Variants in ADK observed in about 807,000 individuals in gnomAD.
ADK encodes the protein N6,N6-dimethyladenosine kinase.
ADK carries 24 observed loss-of-function variants against 44.7 expected under a neutral mutation model. That is an observed-to-expected ratio of 0.54 (90% confidence interval 0.39 to 0.76). ADK has a LOEUF of 0.76. ADK is among the 30% of genes least tolerant of loss of function. ADK has a pLI of 0.00. For synonymous variants in ADK, 128 were observed against 142.6 expected, an observed-to-expected ratio of 0.90 and a Z score of 0.73; for missense variants, 321 against 425.1, an observed-to-expected ratio of 0.76 and a Z score of 2.15.
chr10:74,413,895 C>T (rs935777719), intron 6 of ADK, among the ~76,000 whole-genome samples: 26 of 152,236 alleles, frequency 1.7e-4, no homozygotes, highest in African/African-American at 6.3e-4. Context: ...TATTAATTGG[C>T]CTAATGTCAC....
At chr10:74,414,620 C>T (rs1280481791) in intron 6 of ADK, among the ~76,000 whole-genome samples, 1 of 151,998 alleles carries the variant, frequency 6.6e-6, no homozygotes, top group Non-Finnish European at 1.5e-5. Flanking sequence ...CCTGTAATCC[C>T]AGCACTTGAG....
intron 9 of ADK, chr10:74,661,248 G>A (rs1181425820): frequency 2.2e-5 from 20 of 892,582 alleles, no homozygotes; most frequent in Non-Finnish European, 2.7e-5. Flanking sequence ...GTGTAACAAT[G>A]AATCAAAATC....
chr10:74,492,484 A>C (rs959898842), intron 6 of ADK, among the ~76,000 whole-genome samples: 1 of 152,202 alleles, frequency 6.6e-6, no homozygotes, highest in African/African-American at 2.4e-5. Flanking sequence ...AAACAGAATA[A>C]GCTCATGGAC....
chr10:74,277,411 T>G (rs1302527859), intron 3 of ADK, among the ~76,000 whole-genome samples: 5 of 2,412 alleles, frequency 2.1e-3, no homozygotes, highest in Non-Finnish European at 7.9e-4. Context: ...GTTTTGTTTT[T>G]TTGAGATGGA....
intron 9 of ADK, among the ~76,000 whole-genome samples, chr10:74,617,708 A>G (rs1304357223): frequency 6.6e-6 from 1 of 151,694 alleles, no homozygotes; most frequent in African/African-American, 2.4e-5. Flanking sequence ...CAGTCCTCCC[A>G]CTTCAGCCTC....
chr10:74,526,857 G>C (rs1416367525), intron 7 of ADK, among the ~76,000 whole-genome samples: 1 of 152,116 alleles, frequency 6.6e-6, no homozygotes, highest in Admixed American at 6.5e-5. Context: ...GTTTTATTTT[G>C]TAAAGGGTAA....
At chr10:74,164,861 CGT>C (rs1018716987) in intron 1 of ADK, among the ~76,000 whole-genome samples, 16 of 152,154 alleles carry the variant, frequency 1.1e-4, no homozygotes, top group Admixed American at 9.2e-4. Context: ...CCTGAGAAGA[CGT>C]GTTAGTTTCT....
chr10:74,330,111 TGAGC>T (rs1841167929), intron 4 of ADK, among the ~76,000 whole-genome samples: 1 of 152,178 alleles, frequency 6.6e-6, no homozygotes. Flanking sequence ...GAAGCTGTAG[TGAGC>T]CATGATTCTG....
rs891681703 is a variant in ADK at position 74,709,117 on chromosome 10, G to A, written c.*672G>A. On this transcript the variant is annotated 3_prime_UTR_variant, in exon 11 of 11. Coordinates refer to ENST00000539909, the MANE Select transcript of ADK (RefSeq NM_006721.4). The stretch of plus-strand genomic sequence containing the variant: ...ACACAAACAAAAACTTGTCATATAG[G>A]AATTTTTTTCTGTCTTTTCCCTGTG... The A allele has an allele frequency of 1.3e-5, 2 of 152,246 alleles. No individual in the cohort carries two copies. The highest frequency in any genetic ancestry group is 4.8e-5 in the African/African-American group (2 of 41,438). The allele number at this position is 152,246 out of a possible 1,614,324, so 9.4% of individuals were successfully genotyped here. A position where few individuals can be genotyped will look rare whatever the true frequency, so the allele number is the denominator to read the frequency against.
At chr10:74,488,580 C>A (rs563762266) in intron 6 of ADK, among the ~76,000 whole-genome samples, 3 of 150,138 alleles carry the variant, frequency 2.0e-5, no homozygotes, top group Non-Finnish European at 4.4e-5. Context: ...CTTTTTATAG[C>A]TTTTGTGAGT....
At chr10:74,519,990 C>T (rs939372094) in intron 6 of ADK, among the ~76,000 whole-genome samples, 1 of 151,820 alleles carries the variant, frequency 6.6e-6, no homozygotes, top group African/African-American at 2.4e-5. Context: ...TTGATATTTA[C>T]TTCTCTTTTA....
At chr10:74,457,046 G>GT (rs1332131157) in intron 6 of ADK, among the ~76,000 whole-genome samples, 3 of 152,072 alleles carry the variant, frequency 2.0e-5, no homozygotes, top group Non-Finnish European at 4.4e-5. Context: ...CCAGGAGCTG[G>GT]TTTTTTGAAA....
intron 7 of ADK, among the ~76,000 whole-genome samples, chr10:74,540,155 T>TA (rs1175271811): frequency 2.6e-5 from 4 of 151,906 alleles, no homozygotes; most frequent in East Asian, 1.9e-4. Flanking sequence ...TTTTAAAAAT[T>TA]AAAAAAAATT....
chr10:74,328,931 C>T (rs945535167), intron 4 of ADK, among the ~76,000 whole-genome samples: 2 of 151,752 alleles, frequency 1.3e-5, no homozygotes, highest in Admixed American at 6.6e-5. Context: ...CCAGGGTAGT[C>T]GTCTTGCCAC....
chr10:74,681,806 C>G (rs185324416), intron 10 of ADK, among the ~76,000 whole-genome samples: 1 of 148,102 alleles, frequency 6.8e-6, no homozygotes, highest in Non-Finnish European at 1.5e-5. Context: ...CCCAAGATCA[C>G]GCCACTGCAC....
At chr10:74,632,042 T>C (rs1358752123) in intron 9 of ADK, among the ~76,000 whole-genome samples, 1 of 152,144 alleles carries the variant, frequency 6.6e-6, no homozygotes, top group Non-Finnish European at 1.5e-5. Context: ...TATTCATAGG[T>C]TGTGCAACCG....
intron 3 of ADK, among the ~76,000 whole-genome samples, chr10:74,235,191 T>A (rs1844914541): frequency 7.1e-6 from 1 of 140,920 alleles, no homozygotes; most frequent in East Asian, 2.0e-4. Context: ...TCATAAGGGA[T>A]TTTTTTTTTT....
At chr10:74,160,645 G>A (rs1055561998) in intron 1 of ADK, among the ~76,000 whole-genome samples, 3 of 151,926 alleles carry the variant, frequency 2.0e-5, no homozygotes, top group Non-Finnish European at 4.4e-5. Context: ...CCCGTCTGTT[G>A]TGTGCGTGCA....
chr10:74,197,264 C>G (rs897596428), intron 1 of ADK, among the ~76,000 whole-genome samples: 8 of 152,146 alleles, frequency 5.3e-5, no homozygotes, highest in African/African-American at 1.9e-4. Context: ...GACAGACACA[C>G]AATTCCAGTT....
Sources: allele counts gnomAD v4.1 joint callset (sites outside exome capture counted in the v4.1 genomes callset), GRCh38; gene constraint gnomAD v4.1.1; transcripts MANE v1.5; gene names NCBI Gene and HGNC (gene_info 2026-07-23, HGNC 2026-07-21).